NRP1: variants seen among roughly 807,000 people sequenced by gnomAD.
The protein encoded by NRP1 is neuropilin 1, also known as neuropilin-1.
A neutral mutation model predicts 106.7 loss-of-function variants in NRP1; 35 were observed. That is an observed-to-expected ratio of 0.33 (90% confidence interval 0.25 to 0.43). The LOEUF (loss-of-function observed/expected upper bound fraction) is 0.43, where lower values mean the gene tolerates loss of function less well. Ranked by LOEUF, NRP1 falls within the 20% of genes least tolerant of loss-of-function variation. NRP1 has a pLI of 1.00. For synonymous variants in NRP1, 437 were observed against 417.9 expected (o/e 1.05, Z -0.56); for missense variants, 1,024 against 1,170.4 (o/e 0.87, Z 1.83).
Position 33,254,369 on chromosome 10 carries a change from A to G in NRP1, c.815-175T>C, listed in dbSNP as rs541927501. ...CTTGGATTTTCATGGCAATATTTAA[A>G]AATATTATGAAGATCATACAGTGAT... On this transcript the variant is annotated intron_variant, in intron 5 of 16. Coordinates refer to ENST00000374867, the MANE Select transcript of NRP1 (RefSeq NM_003873.7). 7.9e-5 allele frequency among the ~76,000 whole-genome samples: 12 copies of G among 152,318 alleles called. No homozygotes were observed. The East Asian group carries it at 2.3e-3, about 29-fold the overall frequency.
intron 2 of NRP1, among the ~76,000 whole-genome samples, chr10:33,326,177 G>A (rs1467699407): frequency 6.6e-6 from 1 of 152,084 alleles, no homozygotes; most frequent in Non-Finnish European, 1.5e-5. Flanking sequence ...CTGGGAAACT[G>A]GAGAAGTTTC....
chr10:33,297,418 G>A (rs1845476253), intron 2 of NRP1, among the ~76,000 whole-genome samples: 1 of 152,164 alleles, frequency 6.6e-6, no homozygotes, highest in Non-Finnish European at 1.5e-5. Context: ...GGGAGCGGTG[G>A]CTCACGCCTC....
chr10:33,227,774 G>A (rs1045537095), intron 6 of NRP1, among the ~76,000 whole-genome samples: 5 of 152,138 alleles, frequency 3.3e-5, no homozygotes, highest in Non-Finnish European at 7.3e-5. Flanking sequence ...CCTGTGATGT[G>A]AGTGGGAAGG....
intron 10 of NRP1, among the ~76,000 whole-genome samples, chr10:33,203,890 G>C (rs1215544503): frequency 9.2e-6 from 1 of 108,404 alleles, no homozygotes; most frequent in Non-Finnish European, 2.1e-5. Context: ...ACAGGCGCCC[G>C]CCACCGCGCC....
chr10:33,256,431 T>G lies in NRP1; in HGVS notation c.699A>C (p.Pro233=). 1 of 1,614,196 alleles carries G rather than the reference T, an allele frequency of 6.2e-7. No homozygotes were observed. The highest frequency in any genetic ancestry group is 8.5e-7 in the Non-Finnish European group (1 of 1,180,016). ...HIGRYCGQKT[P]GRIRSSSGIL... The stretch of plus-strand genomic sequence containing the variant: ...TGCCCGATGAGGATCGGATTCGACC[T>G]GGTGTTTTCTGTCCACAGTAACGCC... Residue 233 remains proline, a synonymous_variant, in exon 5 of 17, where the codon CCA becomes CCC. Coordinates refer to ENST00000374867, the MANE Select transcript of NRP1 (RefSeq NM_003873.7).
intron 2 of NRP1, among the ~76,000 whole-genome samples, chr10:33,319,588 C>CTTTCT (rs1272326402): frequency 2.6e-5 from 3 of 115,596 alleles, no homozygotes; most frequent in African/African-American, 1.0e-4. Flanking sequence ...TTCTTTCTTT[C>CTTTCT]TTTTTTTTTT....
At chr10:33,224,303 C>A (rs1225283022) in intron 7 of NRP1, among the ~76,000 whole-genome samples, 1 of 152,132 alleles carries the variant, frequency 6.6e-6, no homozygotes, top group Non-Finnish European at 1.5e-5. Flanking sequence ...CCCCTGTAAT[C>A]TGTGGGTGCT....
chr10:33,330,413 GA>G lies in NRP1; in HGVS notation c.248+294del, dbSNP rs1205488934. The stretch of plus-strand genomic sequence containing the variant: ...TCTCCAGGAAAAAAAAAAAAAGAAA[GA>G]AAAAAGAAACATACATACTGTATAC... On this transcript the variant is annotated intron_variant, in intron 2 of 16. Coordinates refer to ENST00000374867, the MANE Select transcript of NRP1 (RefSeq NM_003873.7). 2.0e-5 allele frequency among the ~76,000 whole-genome samples: 3 copies of G among 150,188 alleles called. 1 individual carries two copies. The highest frequency in any genetic ancestry group is 4.4e-5 in the Non-Finnish European group (3 of 67,518).
Position 33,186,481 on chromosome 10 carries a change from G to A in NRP1, c.2070C>T (p.Gly690=). Residue 690 remains glycine, a synonymous_variant, in exon 14 of 17, where the codon GGC becomes GGT. Transcript: ENST00000374867. ...CGTCAGCTTGGGAATAGATGAAGTT[G>A]CCATCTCCTGCTGTGACAAAGAACT... ...TGPIQDHTGD[G]NFIYSQADEN... 6.2e-7 allele frequency: 1 copy of A among 1,609,996 alleles called. No individual in the cohort carries two copies. Among genetic ancestry groups the A allele is most frequent in the African/African-American group, 1.3e-5 (1 of 75,018 alleles).
At chr10:33,237,476 C>T (rs1363100878) in intron 6 of NRP1, among the ~76,000 whole-genome samples, 2 of 128,530 alleles carry the variant, frequency 1.6e-5, no homozygotes, top group Non-Finnish European at 3.3e-5. Context: ...AGAAGAAACA[C>T]ACATGCGCGC....
chr10:33,249,797 C>T lies in NRP1; in HGVS notation c.981+4231G>A, dbSNP rs74695383. Reference sequence around the variant, plus strand: ...TTGGGACTTCCTTCACGCTCCTTCTCACTAACAGGCTCCTTGACTTGTTTT... The same window carrying T: ...TTGGGACTTCCTTCACGCTCCTTCTTACTAACAGGCTCCTTGACTTGTTTT... On this transcript the variant is annotated intron_variant, in intron 6 of 16. Transcript: ENST00000374867. 9.4e-3 allele frequency among the ~76,000 whole-genome samples: 1,436 copies of T among 152,238 alleles called. 20 individuals carry two copies. The highest frequency in any genetic ancestry group is 0.033 in the African/African-American group (1,366 of 41,536).
At chr10:33,211,178 G>A (rs1341036785) in intron 9 of NRP1, 1 of 152,196 alleles carries the variant, frequency 6.6e-6, no homozygotes, top group East Asian at 1.9e-4. Context: ...CTTTAGATCT[G>A]GTTGCAGACG....
chr10:33,267,301 A>G (rs1842987999), intron 3 of NRP1, among the ~76,000 whole-genome samples: 1 of 152,166 alleles, frequency 6.6e-6, no homozygotes, highest in Non-Finnish European at 1.5e-5. Context: ...TGAGAATACA[A>G]CACAGGAGAT....
At chr10:33,315,562 G>A (rs551450816) in intron 2 of NRP1, among the ~76,000 whole-genome samples, 2 of 152,274 alleles carry the variant, frequency 1.3e-5, no homozygotes, top group Admixed American at 6.5e-5. Context: ...CACTAAACTC[G>A]GCTCTGAGCA....
At chr10:33,206,364 T>G (rs1371145646) in intron 10 of NRP1, 1 of 518,360 alleles carries the variant, frequency 1.9e-6, no homozygotes, top group Admixed American at 1.9e-5. Context: ...CTGGATAATT[T>G]AGGGGTTTGG....
At chr10:33,276,938 C>A (rs1420291957) in intron 2 of NRP1, among the ~76,000 whole-genome samples, 3 of 151,906 alleles carry the variant, frequency 2.0e-5, no homozygotes, top group African/African-American at 7.3e-5. Flanking sequence ...CCCCTCTCTA[C>A]AAAATTTTTT....
In NRP1 at chr10:33,263,767, C is replaced by T. The variant is rs2070296; in HGVS notation, c.537G>A (p.Val179=). ...CCAGGATAATCTCTGACATCTTTGGCACAAAGACAATATAAGTGCATTCAA... is the reference window on the plus strand; with the variant it reads ...CCAGGATAATCTCTGACATCTTTGGTACAAAGACAATATAAGTGCATTCAA... ...NSLECTYIVF[V]PKMSEIILEF... Residue 179 remains valine (V), a synonymous_variant, in exon 4 of 17, where the codon GTG becomes GTA. Coordinates refer to ENST00000374867, the MANE Select transcript of NRP1 (RefSeq NM_003873.7). 291,450 of 1,612,932 alleles carry T rather than the reference C, an allele frequency of 0.18. 28,913 individuals carry two copies. Among genetic ancestry groups the T allele is most frequent in the East Asian group, 0.44 (19,944 of 44,824 alleles).
chr10:33,202,466 T>C (rs1340023432), intron 11 of NRP1: 1 of 724,526 alleles, frequency 1.4e-6, no homozygotes, highest in Non-Finnish European at 2.1e-6. Context: ...ACTTTATCCA[T>C]TTGTTGGATA....
At chr10:33,278,233 C>T (rs1029571628) in intron 2 of NRP1, among the ~76,000 whole-genome samples, 17 of 152,096 alleles carry the variant, frequency 1.1e-4, no homozygotes, top group African/African-American at 4.1e-4. Flanking sequence ...TCCATTTCCC[C>T]ACCATTGAAC....
Sources: allele counts gnomAD v4.1 joint callset (sites outside exome capture counted in the v4.1 genomes callset), GRCh38; gene constraint gnomAD v4.1.1; transcripts MANE v1.5; gene names NCBI Gene and HGNC (gene_info 2026-07-23, HGNC 2026-07-21).